The following TARS1 variants were observed in gnomAD, a reference collection of about 807,000 sequenced individuals.
The protein encoded by TARS1 is threonine--tRNA ligase 1, cytoplasmic.
A neutral mutation model predicts 97.7 loss-of-function variants in TARS1; 57 were observed. The observed-to-expected ratio is 0.58, with a 90% confidence interval of 0.47 to 0.73. The LOEUF is 0.73. Ranked by LOEUF, TARS1 falls within the 30% of genes least tolerant of loss-of-function variation. The probability of loss-of-function intolerance (pLI) is 0.00; values close to 1 mark genes in which losing one functional copy is unlikely to be tolerated. For missense variants in TARS1, 806 were observed against 888.3 expected, an observed-to-expected ratio of 0.91 and a Z score of 1.18; for synonymous variants, 312 against 293.7, an observed-to-expected ratio of 1.06 and a Z score of -0.64.
intron 4 of TARS1, among the ~76,000 whole-genome samples, chr5:33,453,998 G>A (rs1741889935): frequency 6.6e-6 from 1 of 152,166 alleles, no homozygotes. Context: ...GGGATTATAG[G>A]TGTGAGCCAC....
intron 9 of TARS1, 69 bp from the exon 10 acceptor site, chr5:33,458,497 A>G: frequency 7.3e-7 from 1 of 1,367,136 alleles, no homozygotes. Context: ...AGAACACTGA[A>G]ATTTATGTAT....
intron 1 of TARS1, among the ~76,000 whole-genome samples, chr5:33,443,584 C>G (rs1217767380): frequency 6.6e-6 from 1 of 151,468 alleles, no homozygotes; most frequent in East Asian, 1.9e-4. Flanking sequence ...GCTCCGCCTC[C>G]CGGGTTCCAG....
At chr5:33,454,605 CT>C (rs946835894) in intron 4 of TARS1, among the ~76,000 whole-genome samples, 14 of 152,182 alleles carry the variant, frequency 9.2e-5, no homozygotes, top group Non-Finnish European at 1.5e-4. Flanking sequence ...TCAAAAGAAC[CT>C]GGGCCATTGC....
At chr5:33,446,736 C>A in intron 2 of TARS1, 1 of 1,289,254 alleles carries the variant, frequency 7.8e-7, no homozygotes, top group Non-Finnish European at 1.0e-6. Context: ...TGATGATAAA[C>A]TGCAGTTAAG....
upstream of TARS1, chr5:33,440,755 T>A: frequency 4.3e-6 from 2 of 462,104 alleles, no homozygotes; most frequent in Non-Finnish European, 7.6e-6. Flanking sequence ...GGGACTTGAC[T>A]CTGGAAAGCG....
intron 1 of TARS1, among the ~76,000 whole-genome samples, chr5:33,443,320 C>CCT (rs769681224): frequency 0.026 from 3,025 of 118,424 alleles, 51 homozygotes; most frequent in African/African-American, 0.038. Flanking sequence ...TCTCTCTCTC[C>CCT]CTCTCTCTCT....
At chr5:33,467,492 A>G in intron 18 of TARS1, 68 bp from the exon 19 acceptor site, 2 of 1,550,168 alleles carry the variant, frequency 1.3e-6, no homozygotes, top group Non-Finnish European at 8.7e-7. Context: ...ATTTCTTTTC[A>G]GATGTTCAGT....
chr5:33,442,873 A>C (rs1164905713), intron 1 of TARS1, among the ~76,000 whole-genome samples: 1 of 152,184 alleles, frequency 6.6e-6, no homozygotes, highest in Non-Finnish European at 1.5e-5. Context: ...ATGAGAAAGC[A>C]GGCGTAGGAA....
At chr5:33,465,101 A>T (rs1742471471) in intron 17 of TARS1, among the ~76,000 whole-genome samples, 2 of 151,718 alleles carry the variant, frequency 1.3e-5, no homozygotes, top group Admixed American at 6.6e-5. Context: ...TAAATAAATA[A>T]AAAAAATGAA....
Position 33,467,818 on chromosome 5 carries a change from A to C in TARS1, c.*110A>C. 1 of 1,288,562 alleles carries C rather than the reference A, an allele frequency of 7.8e-7. No homozygotes were observed. The highest frequency in any genetic ancestry group is 2.6e-5 in the East Asian group (1 of 38,694). The allele number at this position is 1,288,562 out of a possible 1,614,324, so 79.8% of individuals were successfully genotyped here. A position where few individuals can be genotyped will look rare whatever the true frequency, so the allele number is the denominator to read the frequency against. ...TATATTGAACTTGGAGGAGTTTGGC[A>C]AAGTCTGAATAGGTCAACCTGCAGG... On this transcript the variant is annotated 3_prime_UTR_variant, in exon 19 of 19. Transcript: ENST00000265112.
At chr5:33,461,599 T>C (rs921151235) in intron 13 of TARS1, 68 bp from the exon 14 acceptor site, 25 of 1,445,866 alleles carry the variant, frequency 1.7e-5, no homozygotes, top group Non-Finnish European at 2.3e-5. Context: ...GTATTTTTAG[T>C]CTCAAATTAG....
intron 17 of TARS1, among the ~76,000 whole-genome samples, chr5:33,465,804 A>G (rs1742504460): frequency 2.0e-5 from 3 of 152,340 alleles, no homozygotes; most frequent in South Asian, 4.1e-4. Context: ...TGAGAAATGA[A>G]TGTGTTGTAG....
At position 33,446,845 on chromosome 5, in the gene TARS1, T is replaced by C. The variant is rs115457182; in HGVS notation, c.138+1441T>C. 7.5e-4 allele frequency: 640 copies of C among 857,924 alleles called. 6 individuals carry two copies. In the African/African-American group the frequency reaches 0.01, roughly 14 times the overall value. 53.1% of individuals were successfully genotyped at this position (857,924 alleles called of 1,614,324 possible). On this transcript the variant is annotated intron_variant, in intron 2 of 18. Transcript: ENST00000265112. Reference sequence around the variant, plus strand: ...GTCTGAGGGGTTCAGATTATGGTTGTAGAATGACAGGCTCTGTCTGAGCTT... The same window carrying C: ...GTCTGAGGGGTTCAGATTATGGTTGCAGAATGACAGGCTCTGTCTGAGCTT...
At chr5:33,445,752 A>G (rs749710426) in intron 2 of TARS1, among the ~76,000 whole-genome samples, 17 of 152,174 alleles carry the variant, frequency 1.1e-4, no homozygotes, top group Admixed American at 3.3e-4. Flanking sequence ...GATGTTAGGG[A>G]ATAGAGACTT....
At position 33,463,749 on chromosome 5, in the gene TARS1, A is replaced by C; in HGVS notation, c.1836-4A>C. On this transcript the variant is annotated splice_region_variant and splice_polypyrimidine_tract_variant and intron_variant, in intron 16 of 18. Transcript: ENST00000265112. ...ACACTGAATATTTTTATTCTCTTCC[A>C]AAGGCCCTTTTGGCTGTCCCCTCGC... 6.2e-7 allele frequency: 1 copy of C among 1,609,912 alleles called. No individual in the cohort carries two copies. The highest frequency in any genetic ancestry group is 8.5e-7 in the Non-Finnish European group (1 of 1,177,626).
chr5:33,442,582 C>T (rs971831022), intron 1 of TARS1, among the ~76,000 whole-genome samples: 1 of 152,106 alleles, frequency 6.6e-6, no homozygotes, highest in African/African-American at 2.4e-5. Flanking sequence ...GTCACTCAGG[C>T]TGGAGTGCCG....
chr5:33,453,497 G>A (rs936488118), intron 4 of TARS1, 85 bp downstream of exon 4: 43 of 1,498,904 alleles, frequency 2.9e-5, no homozygotes, highest in Non-Finnish European at 3.8e-5. Context: ...CTGCGATTGG[G>A]TGGCTAACAT....
intron 1 of TARS1, 24 bp from the exon 2 acceptor site, chr5:33,445,300 A>G: frequency 1.9e-6 from 3 of 1,591,384 alleles, no homozygotes; most frequent in Non-Finnish European, 2.6e-6. Flanking sequence ...AGATTAAAAT[A>G]TAAAACGTTT....
intron 16 of TARS1, among the ~76,000 whole-genome samples, chr5:33,463,412 T>G (rs1561079155): frequency 6.6e-6 from 1 of 152,204 alleles, no homozygotes; most frequent in Non-Finnish European, 1.5e-5. Context: ...ATGCAGTTAT[T>G]AAATCATTTG....
Sources: gnomAD v4.1 joint callset for allele counts (sites outside exome capture counted in the v4.1 genomes callset) on GRCh38, gnomAD v4.1.1 for gene constraint, MANE v1.5 for transcripts, NCBI Gene and HGNC (gene_info 2026-07-23, HGNC 2026-07-21) for gene names.